The following FLG variants were observed in gnomAD, a reference collection of about 807,000 sequenced individuals.
FLG encodes the protein filaggrin.
A neutral mutation model predicts 3.8 loss-of-function variants in FLG; 6 were observed. The observed-to-expected ratio is 1.60, with a 90% CI of 0.87 to 3.15. FLG has a LOEUF of 3.15. Ranked by LOEUF, FLG falls within the 30% of genes most tolerant of loss-of-function variation. The probability of loss-of-function intolerance (pLI) is 0.00; values close to 1 mark genes in which losing one functional copy is unlikely to be tolerated. For missense variants in FLG, 7,595 were observed against 5,050.9 expected (o/e 1.50, Z -15.27); for synonymous variants, 2,551 against 1,931.6 (o/e 1.32, Z -8.41).
In FLG at chr1:152,308,846, C is replaced by T. The variant is rs1181948532; in HGVS notation, c.6040G>A (p.Ala2014Thr). ...RHGSHHQLQSADSSRHSGIGH... is the reference protein window; with the variant it reads ...RHGSHHQLQSTDSSRHSGIGH... ...ATGCCTGAGTGTCTGGAGCTGTCTG[C>T]TGACTGGAGCTGGTGGTGGGATCCA... is the stretch of plus-strand genomic sequence containing the variant. Residue 2014 changes from alanine (A) to threonine (T), a missense_variant, in exon 3 of 3, where the codon GCA (alanine) becomes ACA (threonine). By Grantham distance (58) the Ala-to-Thr change is moderately conservative. Coordinates refer to ENST00000368799, the MANE Select transcript of FLG (RefSeq NM_002016.2). The T allele has an allele frequency of 6.2e-7, 1 of 1,614,190 alleles. No individual in the cohort carries two copies. The highest frequency in any genetic ancestry group is 8.5e-7 in the Non-Finnish European group (1 of 1,180,026).
At position 152,304,550 on chromosome 1, in the gene FLG, G is replaced by C. The variant is rs747454222; in HGVS notation, c.10336C>G (p.Gln3446Glu). The change falls in exon 3 of 3, where the codon CAG (glutamine) becomes GAG (glutamate). Residue 3446 changes from glutamine to glutamate, a missense_variant. Transcript: ENST00000368799. ...GHPGSSRRGR[Q>E]GSHYEQSVDR... ...ACCGATTGCTCGTAGTGGGATCCCT[G>C]CCTTCCTCTTCTGCTTGACCCCGGG... The C allele has an allele frequency of 1.9e-6, 3 of 1,609,890 alleles. No individual in the cohort carries two copies. The highest frequency in any genetic ancestry group is 2.5e-6 in the Non-Finnish European group (3 of 1,177,744).
rs758670315 is a variant in FLG at position 152,306,565 on chromosome 1, G to A, written c.8321C>T (p.Ser2774Phe). The A allele has an allele frequency of 6.2e-7, 1 of 1,610,906 alleles. No homozygotes were observed. The highest frequency in any genetic ancestry group is 2.2e-5 in the East Asian group (1 of 44,880). Reference sequence around the variant, plus strand: ...ACCGTCTTGGGATGCTGAGTGCCTGGAGCTGTCTTGTGCCTGCTCATGGCG... The same window carrying A: ...ACCGTCTTGGGATGCTGAGTGCCTGAAGCTGTCTTGTGCCTGCTCATGGCG... The part of the protein sequence containing the change: ...GSRHEQAQDS[S>F]RHSASQDGQD... The change falls in exon 3 of 3, where the codon TCC becomes TTC. Residue 2774 changes from serine to phenylalanine, a missense_variant. Coordinates refer to ENST00000368799, the MANE Select transcript of FLG (RefSeq NM_002016.2).
rs778153179 is a variant in FLG at position 152,305,026 on chromosome 1, G to A, written c.9860C>T (p.Ala3287Val). The A allele has an allele frequency of 6.2e-7, 1 of 1,613,940 alleles. No homozygotes were observed. The highest frequency in any genetic ancestry group is 1.1e-5 in the South Asian group (1 of 91,028). Reference sequence around the variant, plus strand: ...TCTTGCCTGTTCATGGGATGATGCAGCCTGTCCACCAGAGGAAGTCTCTGC... The same window carrying A: ...TCTTGCCTGTTCATGGGATGATGCAACCTGTCCACCAGAGGAAGTCTCTGC... ...RHAETSSGGQ[A>V]ASSHEQARSS... Residue 3287 changes from alanine (A) to valine (V), a missense_variant, in exon 3 of 3, where the codon GCT (alanine) becomes GTT (valine). Physicochemically the swap from Ala to Val is moderately conservative, Grantham distance 64. Transcript: ENST00000368799.
At position 152,312,294 on chromosome 1, in the gene FLG, A is replaced by C. The variant is rs1405773742; in HGVS notation, c.2592T>G (p.Ser864=). The change falls in exon 3 of 3, where the codon TCT becomes TCG. Residue 864 remains serine (S), a synonymous_variant. Coordinates refer to ENST00000368799, the MANE Select transcript of FLG (RefSeq NM_002016.2). ...GGCTGTGATGGGACCCTGAGTGTCC[A>C]GACCTATCTACCGATTGCTCGTGGT... ...GSHHEQSVDR[S]GHSGSHHSHT... The C allele has an allele frequency of 6.2e-7, 1 of 1,613,522 alleles. No homozygotes were observed. The highest frequency in any genetic ancestry group is 1.7e-5 in the Admixed American group (1 of 59,968).
In FLG at chr1:152,302,298, T is replaced by C. The variant is rs1289534952; in HGVS notation, c.*402A>G. The C allele has an allele frequency of 4.6e-6, 1 of 215,410 alleles. No homozygotes were observed. The highest frequency in any genetic ancestry group is 2.4e-5 in the African/African-American group (1 of 42,384). The allele number at this position is 215,410 out of a possible 1,614,324, so 13.3% of individuals were successfully genotyped here. A position where few individuals can be genotyped will look rare whatever the true frequency, so the allele number is the denominator to read the frequency against. On this transcript the variant is annotated 3_prime_UTR_variant, in exon 3 of 3. Transcript: ENST00000368799. ...ATAGAGAAAGATGTGCTAGCCCTGA[T>C]GTTGATATAGCCACTTTGGTATACA...
rs149855516 is a variant in FLG at position 152,312,297 on chromosome 1, C to T, written c.2589G>A (p.Arg863=). 1 of 1,613,464 alleles carries T rather than the reference C, an allele frequency of 6.2e-7. No individual in the cohort carries two copies. Among genetic ancestry groups the T allele is most frequent in the Non-Finnish European group, 8.5e-7 (1 of 1,179,838 alleles). Residue 863 remains arginine (R), a synonymous_variant, in exon 3 of 3, where the codon AGG becomes AGA. Coordinates refer to ENST00000368799, the MANE Select transcript of FLG (RefSeq NM_002016.2). ...TGTGATGGGACCCTGAGTGTCCAGA[C>T]CTATCTACCGATTGCTCGTGGTGGG... ...QGSHHEQSVD[R]SGHSGSHHSH...
In FLG at chr1:152,305,475, C is replaced by T. The variant is rs747645298; in HGVS notation, c.9411G>A (p.Gly3137=). The T allele has an allele frequency of 1.9e-6, 3 of 1,583,890 alleles. No homozygotes were observed. In the African/African-American group the frequency reaches 4.5e-5, roughly 24 times the overall value. The change falls in exon 3 of 3, where the codon GGG becomes GGA. Residue 3137 remains glycine (G), a synonymous_variant. Transcript: ENST00000368799. ...GGGATGTGGTGTGGCTGTGATGGGA[C>T]CCTGAGTGTCCAGAGCTATCTACCG... ...EHSVDSSGHS[G]SHHSHTTSQG... is the part of the protein sequence containing the mutation.
In FLG at chr1:152,313,107, A is replaced by G; in HGVS notation, c.1779T>C (p.Ser593=). The change falls in exon 3 of 3, where the codon TCT becomes TCC. Residue 593 remains serine (S), a synonymous_variant. Coordinates refer to ENST00000368799, the MANE Select transcript of FLG (RefSeq NM_002016.2). ...HSGSRHHEAS[S]QADSSRHSQV... ...GTGAGTGTCTAGAGCTGTCAGCCTG[A>G]GAGGAAGCTTCATGATGACGTGACC... is the stretch of plus-strand genomic sequence containing the variant. The G allele has an allele frequency of 6.2e-7, 1 of 1,613,788 alleles. No homozygotes were observed. Among genetic ancestry groups the G allele is most frequent in the Non-Finnish European group, 8.5e-7 (1 of 1,179,980 alleles).
rs760092513 is a variant in FLG at position 152,313,804 on chromosome 1, G to T, written c.1082C>A (p.Ala361Glu). ...AGTCTGTCCACGAGAGGAAGTCTCTGCGTGACGAGTGCCTGATTGTCTGGA... is the reference window on the plus strand; with the variant it reads ...AGTCTGTCCACGAGAGGAAGTCTCTTCGTGACGAGTGCCTGATTGTCTGGA... ...DSSRQSGTRH[A>E]ETSSRGQTAS... The change falls in exon 3 of 3, where the codon GCA (alanine) becomes GAA (glutamate). Residue 361 changes from alanine (A) to glutamate (E), a missense_variant. Physicochemically the swap from Ala to Glu is moderately radical, Grantham distance 107. Transcript: ENST00000368799. 16 of 1,614,060 alleles carry T rather than the reference G, an allele frequency of 9.9e-6. No individual in the cohort carries two copies. The highest frequency in any genetic ancestry group is 1.4e-5 in the Non-Finnish European group (16 of 1,180,004).
Position 152,304,188 on chromosome 1 carries a change from A to G in FLG, c.10698T>C (p.Ser3566=), listed in dbSNP as rs767378815. The change falls in exon 3 of 3, where the codon TCT becomes TCC. Residue 3566 remains serine (S), a synonymous_variant. Transcript: ENST00000368799. ...AGCCATCTCTTGACTGCTCCTGAGC[A>G]GATCCACGATGGTTTCTGGAAGCAG... is the stretch of plus-strand genomic sequence containing the variant. The part of the protein sequence containing the change: ...SGSASRNHRG[S]AQEQSRDGSR... 1 of 1,610,184 alleles carries G rather than the reference A, an allele frequency of 6.2e-7. No homozygotes were observed. The highest frequency in any genetic ancestry group is 2.3e-5 in the East Asian group (1 of 44,318).
In FLG at chr1:152,310,036, T is replaced by C; in HGVS notation, c.4850A>G (p.Asn1617Ser). ...SERRSESASR[N>S]HYGSAREQSR... Reference sequence around the variant, plus strand: ...CTGCTCCCGAGCAGATCCATAATGGTTTCTGGAAGCCGACTCAGACCGCCT... The same window carrying C: ...CTGCTCCCGAGCAGATCCATAATGGCTTCTGGAAGCCGACTCAGACCGCCT... Residue 1617 changes from asparagine (N) to serine (S), a missense_variant, in exon 3 of 3, where the codon AAC becomes AGC. Physicochemically the swap from Asn to Ser is conservative, Grantham distance 46. Transcript: ENST00000368799. 6.2e-7 allele frequency: 1 copy of C among 1,613,826 alleles called. No homozygotes were observed. The highest frequency in any genetic ancestry group is 8.5e-7 in the Non-Finnish European group (1 of 1,179,964).
In FLG at chr1:152,307,570, T is replaced by A; in HGVS notation, c.7316A>T (p.Gln2439Leu). The A allele has an allele frequency of 6.2e-7, 1 of 1,613,824 alleles. No individual in the cohort carries two copies. The highest frequency in any genetic ancestry group is 8.5e-7 in the Non-Finnish European group (1 of 1,179,950). Residue 2439 changes from glutamine to leucine, a missense_variant, in exon 3 of 3, where the codon CAA becomes CTA. By Grantham distance (113) the Gln-to-Leu change is moderately radical (BLOSUM62 -2). Coordinates refer to ENST00000368799, the MANE Select transcript of FLG (RefSeq NM_002016.2). ...TCGTGCCTGCTTGTGGTGGGATCCT[T>A]GTCTTCCTCCAGTGCTGGTCCCGGT... ...GRTGTSTGGR[Q>L]GSHHKQARDS...
In FLG at chr1:152,312,220, G is replaced by C. The variant is rs1652495385; in HGVS notation, c.2666C>G (p.Ser889Cys). ...RSDASRGQSG[S>C]RSASRTTRNE... ...ACGTGTTGTTCTGCTTGCACTTCTG[G>C]ATCCTGACTGCCCACGGGAGGCATC... Residue 889 changes from serine (S) to cysteine (C), a missense_variant, in exon 3 of 3, where the codon TCC becomes TGC. Coordinates refer to ENST00000368799, the MANE Select transcript of FLG (RefSeq NM_002016.2). 1 of 1,613,866 alleles carries C rather than the reference G, an allele frequency of 6.2e-7. No homozygotes were observed. Among genetic ancestry groups the C allele is most frequent in the Non-Finnish European group, 8.5e-7 (1 of 1,179,972 alleles).
In FLG at chr1:152,309,936, G is replaced by A. The variant is rs151252691; in HGVS notation, c.4950C>T (p.Ser1650=). ...RASHGHSAES[S]RQSGTRHAET... is the part of the protein sequence containing the mutation. The stretch of plus-strand genomic sequence containing the variant: ...CTGCATGACGAGTGCCTGATTGTCT[G>A]GAGCTCTCTGCAGAGTGCCCATGAC... The change falls in exon 3 of 3, where the codon TCC becomes TCT. Residue 1650 remains serine (S), a synonymous_variant. Transcript: ENST00000368799. 1.7e-4 allele frequency: 276 copies of A among 1,614,130 alleles called. No homozygotes were observed. The highest frequency in any genetic ancestry group is 3.1e-4 in the South Asian group (28 of 91,072).
Position 152,309,514 on chromosome 1 carries a change from C to T in FLG, c.5372G>A (p.Arg1791Lys). ...GTCTCGTGCCTGCTCGTGGCGGGAT[C>T]TTTGTCTTCCTCCAGTGCTGGGCCC... Reference protein sequence around the residue: ...RTGPSTGGRQRSRHEQARDSS... With the variant: ...RTGPSTGGRQKSRHEQARDSS... Residue 1791 changes from arginine (R) to lysine (K), a missense_variant, in exon 3 of 3, where the codon AGA (arginine) becomes AAA (lysine). Physicochemically the swap from Arg to Lys is conservative, Grantham distance 26. Coordinates refer to ENST00000368799, the MANE Select transcript of FLG (RefSeq NM_002016.2). The T allele has an allele frequency of 6.2e-7, 1 of 1,613,886 alleles. No individual in the cohort carries two copies. The highest frequency in any genetic ancestry group is 1.7e-5 in the Admixed American group (1 of 59,988).
At position 152,312,548 on chromosome 1, in the gene FLG, G is replaced by T. The variant is rs753102917; in HGVS notation, c.2338C>A (p.Arg780Ser). The change falls in exon 3 of 3, where the codon CGT becomes AGT. Residue 780 changes from arginine (R) to serine (S), a missense_variant. Arg to Ser is a moderately radical substitution (Grantham distance 110, BLOSUM62 -1). Coordinates refer to ENST00000368799, the MANE Select transcript of FLG (RefSeq NM_002016.2). The part of the protein sequence containing the change: ...HHQQSHQESA[R>S]DRSGERSRRS... ...CGAGACCTTTCCCCTGACCGGTCAC[G>T]TGCGGACTCTTGGTGGCTCTGCTGA... 24 of 1,613,588 alleles carry T rather than the reference G, an allele frequency of 1.5e-5. No individual in the cohort carries two copies. The highest frequency in any genetic ancestry group is 2.2e-5 in the East Asian group (1 of 44,822).
rs755778257 is a variant in FLG, at chr1:152,313,244, G to T, written c.1642C>A (p.His548Asn). Residue 548 changes from histidine to asparagine, a missense_variant, in exon 3 of 3, where the codon CAC (histidine) becomes AAC (asparagine). His to Asn is a moderately conservative substitution (Grantham distance 68, BLOSUM62 1). Coordinates refer to ENST00000368799, the MANE Select transcript of FLG (RefSeq NM_002016.2). ...RSGHSGSHHSHTTSQGRSDAS... is the reference protein window; with the variant it reads ...RSGHSGSHHSNTTSQGRSDAS... ...TCAGACCTTCCCTGGGATGTGGTGT[G>T]GCTGTGATGGGAACCTGAGTGTCCA... The T allele has an allele frequency of 6.2e-7, 1 of 1,613,938 alleles. No homozygotes were observed. Among genetic ancestry groups the T allele is most frequent in the Admixed American group, 1.7e-5 (1 of 60,012 alleles).
rs199694526 is a variant in FLG at position 152,303,871 on chromosome 1, T to C, written c.11015A>G (p.Glu3672Gly). ...SQASDSEGHS[E>G]DSDTQSVSAH... Reference sequence around the variant, plus strand: ...TGACACTGACTGTGTGTCTGAGTCTTCTGAATGTCCCTCACTGTCACTGGC... The same window carrying C: ...TGACACTGACTGTGTGTCTGAGTCTCCTGAATGTCCCTCACTGTCACTGGC... The change falls in exon 3 of 3, where the codon GAA becomes GGA. Residue 3672 changes from glutamate to glycine, a missense_variant. Physicochemically the swap from Glu to Gly is moderately conservative, Grantham distance 98. Coordinates refer to ENST00000368799, the MANE Select transcript of FLG (RefSeq NM_002016.2). 1 of 1,613,818 alleles carries C rather than the reference T, an allele frequency of 6.2e-7. No individual in the cohort carries two copies.
rs1553212891 is a variant in FLG at position 152,310,063 on chromosome 1, T to C, written c.4823A>G (p.Glu1608Gly). The change falls in exon 3 of 3, where the codon GAG (glutamate) becomes GGG (glycine). Residue 1608 changes from glutamate to glycine, a missense_variant. Transcript: ENST00000368799. ...RDSEGHSEDS[E>G]RRSESASRNH... is the part of the protein sequence containing the mutation. ...TCTGGAAGCCGACTCAGACCGCCTCTCAGAGTCTTCTGAGTGTCCCTCACT... is the reference window on the plus strand; with the variant it reads ...TCTGGAAGCCGACTCAGACCGCCTCCCAGAGTCTTCTGAGTGTCCCTCACT... The C allele has an allele frequency of 4.3e-6, 7 of 1,613,836 alleles. No individual in the cohort carries two copies. The African/African-American group carries it at 6.7e-5, about 15-fold the overall frequency.
Sources: gnomAD v4.1 joint callset for allele counts on GRCh38, gnomAD v4.1.1 for gene constraint, MANE v1.5 for transcripts, NCBI Gene and HGNC (gene_info 2026-07-23, HGNC 2026-07-21) for gene names.